Variants in SRP19 observed in about 807,000 individuals in gnomAD.
SRP19 encodes signal recognition particle 19 kDa protein.
A neutral mutation model predicts 22.4 loss-of-function variants in SRP19; 11 were observed. The ratio of observed to expected loss-of-function variants is 0.49; its 90% CI spans 0.31 to 0.81. The LOEUF is 0.81. SRP19 is among the 40% of genes least tolerant of loss of function. SRP19 has a pLI of 0.05. For synonymous variants in SRP19, 61 were observed against 57.6 expected (o/e 1.06, Z -0.27); for missense variants, 168 against 175.9 (o/e 0.96, Z 0.25).
exon 5 of SRP19, chr5:112,892,672 T>G (rs1395980062): frequency 1.2e-6 from 2 of 1,613,958 alleles, no homozygotes; most frequent in Admixed American, 3.3e-5. Flanking sequence ...CAATGAATTC[T>G]GGGAAGCTAA....
downstream of SRP19, among the ~76,000 whole-genome samples, chr5:112,872,276 C>T (rs1044731186): frequency 4.0e-5 from 6 of 151,780 alleles, no homozygotes; most frequent in African/African-American, 1.2e-4. Flanking sequence ...GTATCTCTGG[C>T]CCCAGCCCAG....
chr5:112,868,209 C>G lies in SRP19; in HGVS notation c.*672C>G. Reference sequence around the variant, plus strand: ...CATGGGAGTTGTAAAATTAACTGTGCTTTAGCACCTTGAGGTACACTTTCC... The same window carrying G: ...CATGGGAGTTGTAAAATTAACTGTGGTTTAGCACCTTGAGGTACACTTTCC... On this transcript the variant is annotated 3_prime_UTR_variant, in exon 5 of 5. Coordinates refer to ENST00000505459, the MANE Select transcript of SRP19 (RefSeq NM_003135.3). The G allele has an allele frequency of 1.0e-6, 1 of 985,414 alleles. No homozygotes were observed. The highest frequency in any genetic ancestry group is 1.2e-6 in the Non-Finnish European group (1 of 829,960). 61.0% of individuals were successfully genotyped at this position (985,414 alleles called of 1,614,324 possible).
At chr5:112,878,512 T>G in intron 4 of SRP19, 1 of 432,906 alleles carries the variant, frequency 2.3e-6, no homozygotes. Flanking sequence ...AGTTTATATT[T>G]CCTGCAGGAT....
At chr5:112,861,453 G>C in intron 1 of SRP19, 36 bp downstream of exon 1, 1 of 1,607,220 alleles carries the variant, frequency 6.2e-7, no homozygotes, top group Non-Finnish European at 8.5e-7. Flanking sequence ...CGAAAGGAAG[G>C]GGCTTGCTGT....
At chr5:112,892,828 A>C (rs938871774) in exon 5 of SRP19, 25 of 1,613,678 alleles carry the variant, frequency 1.5e-5, no homozygotes, top group Non-Finnish European at 2.1e-5. Flanking sequence ...CTACAAAAGA[A>C]ATGGGGAATC....
intron 4 of SRP19, among the ~76,000 whole-genome samples, chr5:112,875,972 G>A (rs1430116838): frequency 2.0e-5 from 3 of 151,856 alleles, no homozygotes; most frequent in Non-Finnish European, 2.9e-5. Flanking sequence ...GCATGAACCC[G>A]GGAGGCGGCT....
At chr5:112,883,756 C>T (rs1768146680) in intron 4 of SRP19, among the ~76,000 whole-genome samples, 2 of 152,118 alleles carry the variant, frequency 1.3e-5, no homozygotes, top group South Asian at 4.1e-4. Flanking sequence ...AAACAAATGT[C>T]CAGGACTAAA....
chr5:112,873,991 C>T (rs1481446891), downstream of SRP19, among the ~76,000 whole-genome samples: 1 of 151,568 alleles, frequency 6.6e-6, no homozygotes, highest in Non-Finnish European at 1.5e-5. Context: ...TAGGGAGACT[C>T]CCTCTCTACA....
intron 4 of SRP19, among the ~76,000 whole-genome samples, chr5:112,884,189 G>A (rs1422389726): frequency 1.3e-5 from 2 of 152,088 alleles, no homozygotes; most frequent in Non-Finnish European, 2.9e-5. Context: ...ATCTCACATA[G>A]AGTAGAAGCC....
chr5:112,870,019 A>G (rs1050541243), downstream of SRP19, among the ~76,000 whole-genome samples: 12 of 152,348 alleles, frequency 7.9e-5, no homozygotes, highest in African/African-American at 2.6e-4. Flanking sequence ...TTATAATAAT[A>G]TACTATAATA....
chr5:112,878,884 T>C, intron 4 of SRP19: 1 of 1,613,652 alleles, frequency 6.2e-7, no homozygotes, highest in Non-Finnish European at 8.5e-7. Context: ...GCTCTTTCTT[T>C]GGAATGCAAG....
At chr5:112,871,292 G>A (rs1042835076), downstream of SRP19, among the ~76,000 whole-genome samples, 1 of 87,364 alleles carries the variant, frequency 1.1e-5, no homozygotes, top group Non-Finnish European at 2.1e-5. Context: ...AGTGAAAACT[G>A]TAATCTTTTT....
At chr5:112,886,476 T>G (rs1291612423) in intron 4 of SRP19, among the ~76,000 whole-genome samples, 1 of 152,208 alleles carries the variant, frequency 6.6e-6, no homozygotes, top group African/African-American at 2.4e-5. Flanking sequence ...GTCTCTAGTT[T>G]TAGGTCCTTT....
chr5:112,871,478 G>T (rs979947572), downstream of SRP19, among the ~76,000 whole-genome samples: 1 of 151,838 alleles, frequency 6.6e-6, no homozygotes, highest in African/African-American at 2.4e-5. Context: ...TTAGAGGCCA[G>T]GTGTGGTGTG....
chr5:112,892,817 C>T (rs1299606333), exon 5 of SRP19: 7 of 1,613,578 alleles, frequency 4.3e-6, no homozygotes, highest in Admixed American at 1.7e-5. Flanking sequence ...CCAGACCACA[C>T]CTACAAAAGA....
chr5:112,897,532 A>C, downstream of SRP19: 1 of 152,228 alleles, frequency 6.6e-6, no homozygotes, highest in South Asian at 2.1e-4. Flanking sequence ...TTCATAATCA[A>C]GAAAAAAAGC....
chr5:112,888,383 A>G (rs979524997), intron 4 of SRP19, among the ~76,000 whole-genome samples: 4 of 152,240 alleles, frequency 2.6e-5, no homozygotes, highest in Admixed American at 6.5e-5. Context: ...TTGAACTTGT[A>G]TAACACTCAA....
chr5:112,872,442 C>T (rs951131808), downstream of SRP19, among the ~76,000 whole-genome samples: 1 of 150,302 alleles, frequency 6.7e-6, no homozygotes, highest in Non-Finnish European at 1.5e-5. Flanking sequence ...GATTCTTCTG[C>T]CTCAGCCTCC....
intron 4 of SRP19, chr5:112,887,089 T>G: frequency 1.2e-6 from 2 of 1,613,800 alleles, no homozygotes; most frequent in African/African-American, 2.7e-5. Flanking sequence ...CATCTGGGAC[T>G]CGTGCTTCAG....
Sources: gnomAD v4.1 joint callset for allele counts (sites outside exome capture counted in the v4.1 genomes callset) on GRCh38, gnomAD v4.1.1 for gene constraint, MANE v1.5 for transcripts, NCBI Gene and HGNC (gene_info 2026-07-23, HGNC 2026-07-21) for gene names.